Variants in TAFA1 observed in about 807,000 individuals in gnomAD.
The protein encoded by TAFA1 is TAFA chemokine like family member 1.
Under a neutral mutation model 18.5 loss-of-function variants are expected in TAFA1, and 4 were observed. The observed-to-expected ratio is 0.22, with a 90% confidence interval of 0.11 to 0.49. The LOEUF (loss-of-function observed/expected upper bound fraction) is 0.49, where lower values mean the gene tolerates loss of function less well. TAFA1 is among the 20% of genes least tolerant of loss of function. TAFA1 has a pLI of 0.98. For missense variants in TAFA1, 147 were observed against 169.0 expected (o/e 0.87, Z 0.72); for synonymous variants, 56 against 55.2 (o/e 1.01, Z -0.06).
chr3:68,339,084 G>T (rs192202089), intron 2 of TAFA1, among the ~76,000 whole-genome samples: 1 of 152,188 alleles, frequency 6.6e-6, no homozygotes, highest in South Asian at 2.1e-4. Context: ...AAAGCAAGTC[G>T]CATGGCCAAA....
At chr3:68,376,432 G>C (rs1210747883) in intron 2 of TAFA1, among the ~76,000 whole-genome samples, 1 of 151,898 alleles carries the variant, frequency 6.6e-6, no homozygotes, top group Non-Finnish European at 1.5e-5. Context: ...GTAGGCCCCT[G>C]TGTGTGTTGT....
intron 2 of TAFA1, among the ~76,000 whole-genome samples, chr3:68,321,391 C>T (rs2068695874): frequency 6.6e-6 from 1 of 152,218 alleles, no homozygotes; most frequent in African/African-American, 2.4e-5. Flanking sequence ...GTATGGCCAT[C>T]TCCTCTGGGG....
chr3:68,209,899 A>G (rs2107063843), intron 2 of TAFA1, among the ~76,000 whole-genome samples: 1 of 152,110 alleles, frequency 6.6e-6, no homozygotes, highest in Admixed American at 6.5e-5. Flanking sequence ...ATAGATGTGG[A>G]GCCCGTAGTA....
intron 3 of TAFA1, among the ~76,000 whole-genome samples, chr3:68,533,701 TC>T (rs1190657365): frequency 1.3e-5 from 2 of 152,158 alleles, no homozygotes; most frequent in Non-Finnish European, 2.9e-5. Context: ...CCTGTCTTTG[TC>T]CTGTACCTGT....
intron 2 of TAFA1, among the ~76,000 whole-genome samples, chr3:68,036,436 CAA>C (rs10566431): frequency 0.5 from 48,630 of 97,746 alleles, 8,184 homozygotes; most frequent in East Asian, 0.57. Context: ...GAGACTCTGT[CAA>C]AAAAAAAAAA....
chr3:68,137,761 C>T (rs2065624713), intron 2 of TAFA1, among the ~76,000 whole-genome samples: 1 of 152,144 alleles, frequency 6.6e-6, no homozygotes. Flanking sequence ...TAAGGAAAGG[C>T]CCAGATAGGT....
intron 2 of TAFA1, among the ~76,000 whole-genome samples, chr3:68,365,789 T>G (rs1051946970): frequency 6.6e-6 from 1 of 152,042 alleles, no homozygotes; most frequent in African/African-American, 2.4e-5. Flanking sequence ...GGTTTCCCCT[T>G]ATAAAACCAT....
At chr3:68,385,505 C>T (rs540066298) in intron 2 of TAFA1, among the ~76,000 whole-genome samples, 1 of 152,072 alleles carries the variant, frequency 6.6e-6, no homozygotes, top group South Asian at 2.1e-4. Context: ...AGTCTCTGGG[C>T]CTGTTTTATC....
chr3:68,069,461 A>G (rs1490119637), intron 2 of TAFA1, among the ~76,000 whole-genome samples: 1 of 152,170 alleles, frequency 6.6e-6, no homozygotes, highest in African/African-American at 2.4e-5. Flanking sequence ...CCCTCCCACA[A>G]CACATGGGAC....
At chr3:68,026,663 T>C (rs548073127) in intron 2 of TAFA1, among the ~76,000 whole-genome samples, 3 of 152,230 alleles carry the variant, frequency 2.0e-5, no homozygotes, top group East Asian at 1.9e-4. Context: ...AATTTCCCAA[T>C]GTCTCACAGC....
At chr3:68,065,060 T>C (rs2064656495) in intron 2 of TAFA1, among the ~76,000 whole-genome samples, 1 of 152,038 alleles carries the variant, frequency 6.6e-6, no homozygotes, top group South Asian at 2.1e-4. Flanking sequence ...GCTTTGTAAG[T>C]GGTTTAATTT....
At chr3:68,477,955 C>T (rs928734899) in intron 3 of TAFA1, among the ~76,000 whole-genome samples, 52 of 152,278 alleles carry the variant, frequency 3.4e-4, no homozygotes, top group African/African-American at 1.3e-3. Context: ...AATAGTTCCA[C>T]TAATGGCTTG....
intron 4 of TAFA1, among the ~76,000 whole-genome samples, chr3:68,541,481 C>G (rs1452034818): frequency 6.6e-6 from 1 of 152,080 alleles, no homozygotes; most frequent in African/African-American, 2.4e-5. Context: ...TTACTCACTT[C>G]AAATATTGAT....
intron 2 of TAFA1, among the ~76,000 whole-genome samples, chr3:68,058,623 A>C (rs997728588): frequency 1.3e-5 from 2 of 152,182 alleles, no homozygotes; most frequent in Admixed American, 6.5e-5. Context: ...AAATATAATA[A>C]GTTTCTAAAT....
intron 2 of TAFA1, among the ~76,000 whole-genome samples, chr3:68,147,983 C>T (rs1356927244): frequency 2.6e-5 from 4 of 152,142 alleles, no homozygotes; most frequent in Non-Finnish European, 5.9e-5. Context: ...TATTTGGTGC[C>T]TTTGATTATA....
intron 2 of TAFA1, among the ~76,000 whole-genome samples, chr3:68,407,311 A>G (rs976116226): frequency 2.6e-5 from 4 of 152,040 alleles, no homozygotes; most frequent in African/African-American, 9.7e-5. Flanking sequence ...CTTATACCTG[A>G]TAAGTATAAG....
chr3:68,185,174 T>G (rs2066254634), intron 2 of TAFA1, among the ~76,000 whole-genome samples: 1 of 152,102 alleles, frequency 6.6e-6, no homozygotes. Flanking sequence ...AAGAAGGGTA[T>G]TCCTGAGGAA....
intron 2 of TAFA1, among the ~76,000 whole-genome samples, chr3:68,083,889 G>C (rs1386553959): frequency 6.6e-6 from 1 of 151,870 alleles, no homozygotes; most frequent in East Asian, 1.9e-4. Context: ...TGTCCCTCCC[G>C]ACCTGTATAT....
At position 68,232,648 on chromosome 3, in the gene TAFA1, CG is replaced by C. The variant is rs1030090150; in HGVS notation, c.119-184629del. Reference sequence around the variant, plus strand: ...CTCTTTTTTTAGTAGCTATGTCACCCGGGCTGGAGTACATTGATACAACCAT... The same window carrying C: ...CTCTTTTTTTAGTAGCTATGTCACCCGGCTGGAGTACATTGATACAACCAT... On this transcript the variant is annotated intron_variant, in intron 2 of 4. Coordinates refer to ENST00000478136, the MANE Select transcript of TAFA1 (RefSeq NM_213609.4). Among the ~76,000 whole-genome samples, 23 of 152,008 alleles carry C rather than the reference CG, an allele frequency of 1.5e-4. 1 individual carries two copies. Among genetic ancestry groups the C allele is most frequent in the African/African-American group, 4.6e-4 (19 of 41,448 alleles).
Sources: allele counts gnomAD v4.1 joint callset (sites outside exome capture counted in the v4.1 genomes callset), GRCh38; gene constraint gnomAD v4.1.1; transcripts MANE v1.5; gene names NCBI Gene and HGNC (gene_info 2026-07-23, HGNC 2026-07-21).